Variants in TFDP2 observed in about 807,000 individuals in gnomAD.
TFDP2 encodes transcription factor Dp-2 (E2F dimerization partner 2).
In TFDP2, 17 loss-of-function variants were observed where a neutral mutation model predicts 59.3. The ratio of observed to expected loss-of-function variants is 0.29; its 90% CI spans 0.20 to 0.43. TFDP2 has a LOEUF of 0.43. Among genes scored for constraint, TFDP2 ranks in the 20% least tolerant of loss-of-function variants. The pLI is 1.00. For missense variants in TFDP2, 391 were observed against 528.8 expected (o/e 0.74, Z 2.56); for synonymous variants, 180 against 194.7 (o/e 0.92, Z 0.63).
rs776569050 is a variant in TFDP2, at chr3:142,071,793, G to A, written c.82+21268C>T. 1.8e-4 allele frequency among the ~76,000 whole-genome samples: 28 copies of A among 152,254 alleles called. 1 individual carries two copies. The highest frequency in any genetic ancestry group is 3.4e-3 in the Middle Eastern group (1 of 294). On this transcript the variant is annotated intron_variant, in intron 3 of 12. Transcript: ENST00000489671. ...ACCTCTGTTTCTGGCTGGGATAAAG[G>A]GCAGGTGAAGGGGGACAGCAGATTT...
intron 3 of TFDP2, among the ~76,000 whole-genome samples, chr3:142,085,134 T>C (rs561193621): frequency 1.3e-5 from 2 of 152,312 alleles, no homozygotes; most frequent in East Asian, 3.9e-4. Flanking sequence ...TTGGCCAGGC[T>C]GGTCTCAGAC....
At chr3:141,968,275 T>A (rs918890753) in intron 9 of TFDP2, among the ~76,000 whole-genome samples, 1 of 134,592 alleles carries the variant, frequency 7.4e-6, no homozygotes, top group Admixed American at 8.2e-5. Context: ...TAATTATATA[T>A]AATATATAAC....
chr3:142,125,953 A>G (rs1365093042), intron 1 of TFDP2, among the ~76,000 whole-genome samples: 1 of 152,158 alleles, frequency 6.6e-6, no homozygotes, highest in African/African-American at 2.4e-5. Flanking sequence ...TCTTAATGCA[A>G]GCAGAAATAA....
Position 141,983,536 on chromosome 3 carries a change from G to T in TFDP2, c.357-4854C>A, listed in dbSNP as rs148343014. 2.0e-5 allele frequency among the ~76,000 whole-genome samples: 3 copies of T among 151,852 alleles called. No individual in the cohort carries two copies. The East Asian group carries it at 5.8e-4, about 29-fold the overall frequency. ...ATCTGTAATCCTAGCTACTTGGGAG[G>T]CTGAGGCATGAGAATCACTTGAACC... On this transcript the variant is annotated intron_variant, in intron 6 of 12. Transcript: ENST00000489671.
At chr3:141,953,358 C>T (rs1347520235) in intron 11 of TFDP2, among the ~76,000 whole-genome samples, 2 of 152,194 alleles carry the variant, frequency 1.3e-5, no homozygotes, top group African/African-American at 2.4e-5. Flanking sequence ...TCAATGCCTT[C>T]TGCCCTCAGC....
intron 3 of TFDP2, among the ~76,000 whole-genome samples, chr3:142,039,487 A>G (rs890520533): frequency 3.7e-4 from 57 of 152,230 alleles, no homozygotes; most frequent in Admixed American, 2.6e-4. Context: ...CCTGGGTTCA[A>G]GTAAACCTCC....
intron 6 of TFDP2, among the ~76,000 whole-genome samples, chr3:141,983,977 A>C (rs768683060): frequency 6.6e-6 from 1 of 152,242 alleles, no homozygotes; most frequent in South Asian, 2.1e-4. Context: ...ACCCAGATGA[A>C]TCTGAAAGCA....
At chr3:142,136,267 ATTTG>A (rs1203406236) in intron 1 of TFDP2, among the ~76,000 whole-genome samples, 2 of 151,668 alleles carry the variant, frequency 1.3e-5, no homozygotes, top group East Asian at 1.9e-4. Flanking sequence ...CTTCTTGTAA[ATTTG>A]TTTGAGCTCT....
chr3:142,128,048 A>T (rs944612464), intron 1 of TFDP2, among the ~76,000 whole-genome samples: 3 of 152,262 alleles, frequency 2.0e-5, no homozygotes, highest in South Asian at 2.1e-4. Context: ...AAGATTTTTT[A>T]AAAAAGGCAG....
chr3:141,995,210 A>G, intron 4 of TFDP2, 69 bp from the exon 5 acceptor site: 1 of 1,331,752 alleles, frequency 7.5e-7, no homozygotes, highest in Non-Finnish European at 9.9e-7. Context: ...AGAAAATAAC[A>G]TTGATTGCTA....
intron 3 of TFDP2, among the ~76,000 whole-genome samples, chr3:142,041,988 C>T (rs974137619): frequency 3.3e-5 from 5 of 152,098 alleles, no homozygotes; most frequent in African/African-American, 4.8e-5. Context: ...TCCATTTCTG[C>T]ACTCTTTATT....
intron 3 of TFDP2, among the ~76,000 whole-genome samples, chr3:142,026,758 T>C (rs1412928332): frequency 6.6e-6 from 1 of 152,218 alleles, no homozygotes; most frequent in Non-Finnish European, 1.5e-5. Context: ...TCAAAAACTG[T>C]TTTTCAAAAT....
At chr3:141,966,029 C>G (rs1937993479) in intron 9 of TFDP2, among the ~76,000 whole-genome samples, 1 of 151,822 alleles carries the variant, frequency 6.6e-6, no homozygotes, top group Admixed American at 6.6e-5. Context: ...ACAAGAGGAC[C>G]CTGGTATATG....
chr3:141,998,037 A>AC (rs1398864037), intron 4 of TFDP2, among the ~76,000 whole-genome samples: 1 of 151,904 alleles, frequency 6.6e-6, no homozygotes, highest in Non-Finnish European at 1.5e-5. Context: ...GATTAGCAAC[A>AC]CTCTGCTCCT....
At chr3:142,135,418 T>C (rs1482186679) in intron 1 of TFDP2, among the ~76,000 whole-genome samples, 1 of 152,138 alleles carries the variant, frequency 6.6e-6, no homozygotes, top group African/African-American at 2.4e-5. Flanking sequence ...TTTTTATTAT[T>C]ATTATACTTT....
chr3:142,117,971 G>A (rs916280491), intron 1 of TFDP2, among the ~76,000 whole-genome samples: 10 of 152,084 alleles, frequency 6.6e-5, no homozygotes, highest in African/African-American at 2.2e-4. Context: ...GGTGGCATGC[G>A]CCTGTAATCC....
At chr3:142,110,283 C>T (rs2061606998) in intron 1 of TFDP2, among the ~76,000 whole-genome samples, 1 of 151,808 alleles carries the variant, frequency 6.6e-6, no homozygotes, top group Admixed American at 6.6e-5. Context: ...GCAGGCAGAT[C>T]ACCTGAGGTC....
At chr3:142,077,059 C>T (rs1272880963) in intron 3 of TFDP2, among the ~76,000 whole-genome samples, 1 of 152,248 alleles carries the variant, frequency 6.6e-6, no homozygotes, top group African/African-American at 2.4e-5. Context: ...AGCTCAGTGA[C>T]TGTGGGACTC....
At chr3:142,136,805 T>A (rs568732540) in intron 1 of TFDP2, among the ~76,000 whole-genome samples, 36 of 152,068 alleles carry the variant, frequency 2.4e-4, no homozygotes, top group Non-Finnish European at 4.4e-4. Flanking sequence ...TGTAGTATAG[T>A]TTGAAGTCAG....
Sources: allele counts gnomAD v4.1 joint callset (sites outside exome capture counted in the v4.1 genomes callset), GRCh38; gene constraint gnomAD v4.1.1; transcripts MANE v1.5; gene names NCBI Gene and HGNC (gene_info 2026-07-23, HGNC 2026-07-21).